Variants in THRB observed in about 807,000 individuals in gnomAD.
THRB encodes nuclear receptor subfamily 1 group A member 2.
Under a neutral mutation model 47.8 loss-of-function variants are expected in THRB, and 12 were observed. The observed-to-expected ratio is 0.25, with a 90% CI of 0.16 to 0.41. THRB has a LOEUF of 0.41. Ranked by LOEUF, THRB falls within the 10% of genes least tolerant of loss-of-function variation. The pLI, the probability that THRB is intolerant of heterozygous loss-of-function variation, is 1.00. For missense variants in THRB, 348 were observed against 589.2 expected, an observed-to-expected ratio of 0.59 and a Z score of 4.24; for synonymous variants, 218 against 212.2, an observed-to-expected ratio of 1.03 and a Z score of -0.24.
At chr3:24,491,515 G>A (rs1292566465) in intron 1 of THRB, among the ~76,000 whole-genome samples, 1 of 152,154 alleles carries the variant, frequency 6.6e-6, no homozygotes, top group Non-Finnish European at 1.5e-5. Context: ...GGCAAAAAGA[G>A]GCTGGCTGAC....
chr3:24,366,315 A>G (rs952929890), intron 1 of THRB, among the ~76,000 whole-genome samples: 5 of 152,128 alleles, frequency 3.3e-5, no homozygotes, highest in Middle Eastern at 3.2e-3. Flanking sequence ...AGAATTGCCA[A>G]TCTTAGACTA....
At chr3:24,222,211 G>A (rs1245107052) in intron 4 of THRB, among the ~76,000 whole-genome samples, 1 of 152,208 alleles carries the variant, frequency 6.6e-6, no homozygotes, top group African/African-American at 2.4e-5. Context: ...AAGCCATGGA[G>A]TGATTTTCAT....
At chr3:24,343,195 G>C (rs1320765490) in intron 1 of THRB, among the ~76,000 whole-genome samples, 1 of 151,938 alleles carries the variant, frequency 6.6e-6, no homozygotes, top group Non-Finnish European at 1.5e-5. Context: ...CCCTCCTTAA[G>C]TAATTTGTAG....
At chr3:24,451,364 G>A (rs753707940) in intron 1 of THRB, among the ~76,000 whole-genome samples, 8 of 151,262 alleles carry the variant, frequency 5.3e-5, no homozygotes, top group Non-Finnish European at 1.2e-4. Context: ...CTCCCGAGTA[G>A]CTGGGACTAC....
chr3:24,415,113 A>G (rs1054595426), intron 1 of THRB, among the ~76,000 whole-genome samples: 1 of 151,850 alleles, frequency 6.6e-6, no homozygotes, highest in African/African-American at 2.4e-5. Context: ...ATCAAAGGCA[A>G]GGCATACTTA....
chr3:24,488,563 T>C (rs1267119978), intron 1 of THRB, among the ~76,000 whole-genome samples: 1 of 152,074 alleles, frequency 6.6e-6, no homozygotes, highest in Non-Finnish European at 1.5e-5. Flanking sequence ...CCTTCTTTTT[T>C]TTTTTTTAAT....
chr3:24,152,139 T>C (rs1484549601), intron 6 of THRB, among the ~76,000 whole-genome samples: 1 of 152,190 alleles, frequency 6.6e-6, no homozygotes, highest in Non-Finnish European at 1.5e-5. Context: ...TCTCTTCCTG[T>C]TTTAAAAACA....
chr3:24,251,613 CAT>C (rs1419944419), intron 3 of THRB, among the ~76,000 whole-genome samples: 3 of 151,920 alleles, frequency 2.0e-5, no homozygotes, highest in Non-Finnish European at 4.4e-5. Flanking sequence ...TCTTAAAAAA[CAT>C]AAAGTAGGAG....
intron 5 of THRB, among the ~76,000 whole-genome samples, chr3:24,153,131 T>G (rs2037266195): frequency 6.6e-6 from 1 of 152,112 alleles, no homozygotes; most frequent in South Asian, 2.1e-4. Context: ...TAACAAGGCT[T>G]ATTTCAAAAC....
chr3:24,201,954 C>T (rs1459495470), intron 4 of THRB, among the ~76,000 whole-genome samples: 2 of 152,110 alleles, frequency 1.3e-5, no homozygotes, highest in African/African-American at 4.8e-5. Flanking sequence ...TTCATGATAA[C>T]TCTATGAAGT....
At chr3:24,207,751 C>T (rs1353094411) in intron 4 of THRB, among the ~76,000 whole-genome samples, 1 of 152,186 alleles carries the variant, frequency 6.6e-6, no homozygotes, top group Admixed American at 6.5e-5. Flanking sequence ...ACTGAATGGG[C>T]AAAAACTGGA....
chr3:24,296,818 T>TG (rs2151033707), intron 3 of THRB, among the ~76,000 whole-genome samples: 1 of 152,328 alleles, frequency 6.6e-6, no homozygotes, highest in South Asian at 2.1e-4. Flanking sequence ...CCACACACTT[T>TG]AGGTTTGAGT....
chr3:24,160,217 G>C (rs1035084159), intron 5 of THRB, among the ~76,000 whole-genome samples: 1 of 152,174 alleles, frequency 6.6e-6, no homozygotes, highest in Non-Finnish European at 1.5e-5. Flanking sequence ...GGGGAGACTG[G>C]CCAAGGTTTC....
intron 1 of THRB, among the ~76,000 whole-genome samples, chr3:24,393,327 C>A (rs1346799319): frequency 6.6e-6 from 1 of 152,154 alleles, no homozygotes; most frequent in Non-Finnish European, 1.5e-5. Context: ...TCACTCCTTG[C>A]AGTAACTTCT....
chr3:24,204,248 C>T (rs758725251), intron 4 of THRB, among the ~76,000 whole-genome samples: 2 of 152,218 alleles, frequency 1.3e-5, no homozygotes, highest in African/African-American at 4.8e-5. Context: ...CTGCGAGGCA[C>T]CCCCCAGTAG....
intron 3 of THRB, among the ~76,000 whole-genome samples, chr3:24,242,192 G>GT (rs1184100131): frequency 5.3e-5 from 8 of 152,054 alleles, no homozygotes; most frequent in Admixed American, 2.0e-4. Flanking sequence ...TCCTCTCCAA[G>GT]TTTTTTACAT....
chr3:24,471,303 T>C (rs575871965), intron 1 of THRB, among the ~76,000 whole-genome samples: 1 of 152,320 alleles, frequency 6.6e-6, no homozygotes, highest in South Asian at 2.1e-4. Context: ...TGCAGCAATC[T>C]GTATGTTAAC....
intron 1 of THRB, among the ~76,000 whole-genome samples, chr3:24,338,415 A>G (rs1214148093): frequency 6.6e-6 from 1 of 152,206 alleles, no homozygotes; most frequent in Non-Finnish European, 1.5e-5. Context: ...CCTATATGAT[A>G]TGAATCTCTG....
In THRB at chr3:24,143,723, G is replaced by A; in HGVS notation, c.533-17C>T. 1 of 1,613,620 alleles carries A rather than the reference G, an allele frequency of 6.2e-7. No homozygotes were observed. The highest frequency in any genetic ancestry group is 8.5e-7 in the Non-Finnish European group (1 of 1,179,672). On this transcript the variant is annotated splice_polypyrimidine_tract_variant and intron_variant, in intron 7 of 10. Coordinates refer to ENST00000646209, the MANE Select transcript of THRB (RefSeq NM_001354712.2). ...CCAGCACCACTGGGAGGGGGAGAAA[G>A]ATGAGACAAGGCACACAGATGCTCC...
Sources: gnomAD v4.1 joint callset for allele counts (sites outside exome capture counted in the v4.1 genomes callset) on GRCh38, gnomAD v4.1.1 for gene constraint, MANE v1.5 for transcripts, NCBI Gene and HGNC (gene_info 2026-07-23, HGNC 2026-07-21) for gene names.